Variants in PCOLCE2 observed in about 807,000 individuals in gnomAD.
PCOLCE2 encodes procollagen C-endopeptidase enhancer 2, also known as procollagen C-proteinase enhancer 2.
A neutral mutation model predicts 47.0 loss-of-function variants in PCOLCE2; 42 were observed. The ratio of observed to expected loss-of-function variants is 0.89; its 90% CI spans 0.70 to 1.16. The LOEUF is 1.16. PCOLCE2 is among the 50% of genes most tolerant of loss of function. PCOLCE2 has a pLI of 0.00. For synonymous variants in PCOLCE2, 169 were observed against 191.7 expected (o/e 0.88, Z 0.98); for missense variants, 500 against 526.1 (o/e 0.95, Z 0.49).
chr3:142,822,510 T>C (rs1937026920), intron 7 of PCOLCE2, among the ~76,000 whole-genome samples: 1 of 152,218 alleles, frequency 6.6e-6, no homozygotes, highest in Non-Finnish European at 1.5e-5. Flanking sequence ...ATTCCTATGA[T>C]GCTTTACTTT....
chr3:142,844,783 T>C (rs1937305991), intron 3 of PCOLCE2, among the ~76,000 whole-genome samples: 1 of 152,236 alleles, frequency 6.6e-6, no homozygotes, highest in Non-Finnish European at 1.5e-5. Flanking sequence ...TCTTTGTATA[T>C]TCTGAATACA....
intron 5 of PCOLCE2, among the ~76,000 whole-genome samples, chr3:142,832,343 G>A (rs556496145): frequency 5.9e-5 from 9 of 152,232 alleles, no homozygotes; most frequent in South Asian, 2.1e-4. Context: ...TCAGTTGAGC[G>A]TTACCATCTC....
At chr3:142,819,256 G>C (rs1219313782) in intron 8 of PCOLCE2, among the ~76,000 whole-genome samples, 1 of 152,134 alleles carries the variant, frequency 6.6e-6, no homozygotes. Context: ...GAGGTGTTGG[G>C]TAACTCTGAA....
chr3:142,863,843 AAAAAC>A (rs1933229405), intron 2 of PCOLCE2: 1 of 152,232 alleles, frequency 6.6e-6, no homozygotes, highest in African/African-American at 2.4e-5. Flanking sequence ...AAATTAAATT[AAAAAC>A]AAAACAAAAG....
At chr3:142,863,033 A>G (rs1263393831) in intron 2 of PCOLCE2, among the ~76,000 whole-genome samples, 1 of 143,228 alleles carries the variant, frequency 7.0e-6, no homozygotes, top group East Asian at 2.2e-4. Flanking sequence ...AAGTTGTATT[A>G]GTTCCCATTT....
At chr3:142,834,615 T>C (rs1298495162) in intron 5 of PCOLCE2, among the ~76,000 whole-genome samples, 1 of 152,222 alleles carries the variant, frequency 6.6e-6, no homozygotes, top group Non-Finnish European at 1.5e-5. Flanking sequence ...AGTCACACTT[T>C]AATCTGGTGA....
chr3:142,879,874 G>A (rs1307650745), intron 2 of PCOLCE2, among the ~76,000 whole-genome samples: 1 of 151,550 alleles, frequency 6.6e-6, no homozygotes, highest in Non-Finnish European at 1.5e-5. Context: ...GGGAGGCTGA[G>A]GCAAGAGAAT....
Position 142,821,024 on chromosome 3 carries a change from G to T in PCOLCE2, c.971C>A (p.Thr324Lys). The T allele has an allele frequency of 6.2e-7, 1 of 1,611,246 alleles. No homozygotes were observed. Among genetic ancestry groups the T allele is most frequent in the Non-Finnish European group, 8.5e-7 (1 of 1,177,580 alleles). ...CAAACTCCCATCGCGAGTGATGGTT[G>T]TGATAACAGTGCCGGCTAATACTGC... Reference protein sequence around the residue: ...SDFVLAGTVITTITRDGSLHA... With the variant: ...SDFVLAGTVIKTITRDGSLHA... Residue 324 changes from threonine to lysine, a missense_variant, in exon 8 of 9, where the codon ACA becomes AAA. By Grantham distance (78) the Thr-to-Lys change is moderately conservative. Coordinates refer to ENST00000295992, the MANE Select transcript of PCOLCE2 (RefSeq NM_013363.4).
intron 2 of PCOLCE2, chr3:142,863,859 T>C (rs1196328880): frequency 6.6e-6 from 1 of 152,018 alleles, no homozygotes; most frequent in Non-Finnish European, 1.5e-5. Context: ...AAAACAAAAG[T>C]GGATAAACTA....
chr3:142,854,331 T>C (rs916892232), intron 2 of PCOLCE2, among the ~76,000 whole-genome samples: 2 of 24,070 alleles, frequency 8.3e-5, no homozygotes, highest in Non-Finnish European at 2.6e-4. Flanking sequence ...CGAGGCACAG[T>C]TGATCTACGT....
chr3:142,861,206 T>C (rs947948623), intron 2 of PCOLCE2, among the ~76,000 whole-genome samples: 4 of 152,266 alleles, frequency 2.6e-5, no homozygotes, highest in African/African-American at 9.6e-5. Context: ...GATGCTGTTC[T>C]TTCCCCTTCT....
intron 6 of PCOLCE2, among the ~76,000 whole-genome samples, chr3:142,828,936 T>C (rs1937115525): frequency 6.6e-6 from 1 of 152,210 alleles, no homozygotes; most frequent in South Asian, 2.1e-4. Flanking sequence ...CTGCCTGTAC[T>C]CAGCCCCAGC....
At chr3:142,869,988 G>A (rs1933353517) in intron 2 of PCOLCE2, among the ~76,000 whole-genome samples, 2 of 152,176 alleles carry the variant, frequency 1.3e-5, no homozygotes, top group South Asian at 4.1e-4. Context: ...ACCATCAATA[G>A]TAGGCCTGTT....
chr3:142,839,036 GC>G, intron 4 of PCOLCE2, 130 bp from the exon 5 acceptor site: 1 of 602,222 alleles, frequency 1.7e-6, no homozygotes, highest in Non-Finnish European at 2.8e-6. Flanking sequence ...TGCATTAAGT[GC>G]TTTTTGTTGC....
chr3:142,879,543 G>A (rs942819428), intron 2 of PCOLCE2, among the ~76,000 whole-genome samples: 3 of 152,188 alleles, frequency 2.0e-5, no homozygotes, highest in Non-Finnish European at 2.9e-5. Flanking sequence ...GTCACCTACA[G>A]TGCTTGCTTA....
chr3:142,880,107 A>G (rs532177031), intron 2 of PCOLCE2, among the ~76,000 whole-genome samples: 19 of 151,678 alleles, frequency 1.3e-4, no homozygotes, highest in African/African-American at 4.3e-4. Flanking sequence ...TGGATATGCA[A>G]ACATTTTCTG....
At chr3:142,837,451 T>G (rs138259996) in intron 5 of PCOLCE2, among the ~76,000 whole-genome samples, 1 of 118,150 alleles carries the variant, frequency 8.5e-6, no homozygotes, top group Non-Finnish European at 1.9e-5. Context: ...TATTAAAACA[T>G]TCTTATCAAT....
rs1040375301 is a variant in PCOLCE2, at chr3:142,826,044, G to A, written c.866-2429C>T. Among the ~76,000 whole-genome samples the A allele has an allele frequency of 4.0e-5, 6 of 150,462 alleles. No homozygotes were observed. The South Asian group carries it at 1.1e-3, about 26-fold the overall frequency. On this transcript the variant is annotated intron_variant, in intron 6 of 8. Coordinates refer to ENST00000295992, the MANE Select transcript of PCOLCE2 (RefSeq NM_013363.4). ...TTTTGAGACAGAGTCTCACTCTGTCGCCCAGGCTGGAGTGCAGTGGCGCGA... is the reference window on the plus strand; with the variant it reads ...TTTTGAGACAGAGTCTCACTCTGTCACCCAGGCTGGAGTGCAGTGGCGCGA...
At chr3:142,878,531 C>T (rs1317224990) in intron 2 of PCOLCE2, among the ~76,000 whole-genome samples, 3 of 152,118 alleles carry the variant, frequency 2.0e-5, no homozygotes, top group Non-Finnish European at 2.9e-5. Context: ...AACATTTCTA[C>T]GTACAAGAAA....
Sources: gnomAD v4.1 joint callset for allele counts (sites outside exome capture counted in the v4.1 genomes callset) on GRCh38, gnomAD v4.1.1 for gene constraint, MANE v1.5 for transcripts, NCBI Gene and HGNC (gene_info 2026-07-23, HGNC 2026-07-21) for gene names.